Variants in ALDH1A2 observed in about 807,000 individuals in gnomAD.
The protein encoded by ALDH1A2 is aldehyde dehydrogenase 1 family member A2, also known as retinal dehydrogenase 2.
Under a neutral mutation model 60.3 loss-of-function variants are expected in ALDH1A2, and 27 were observed. That is an observed-to-expected ratio of 0.45 (90% CI 0.33 to 0.62). The LOEUF is 0.62. Among genes scored for constraint, ALDH1A2 ranks in the 20% least tolerant of loss-of-function variants. The pLI, the probability that ALDH1A2 is intolerant of heterozygous loss-of-function variation, is 0.02. For missense variants in ALDH1A2, 581 were observed against 643.8 expected, an observed-to-expected ratio of 0.90 and a Z score of 1.06; for synonymous variants, 289 against 232.4, an observed-to-expected ratio of 1.24 and a Z score of -2.21.
intron 7 of ALDH1A2, among the ~76,000 whole-genome samples, chr15:57,966,968 T>C (rs1258134545): frequency 6.6e-6 from 1 of 152,220 alleles, no homozygotes; most frequent in Admixed American, 6.5e-5. Flanking sequence ...TAGAGGCAAT[T>C]TGGTCTTGTT....
At chr15:58,005,114 T>C (rs1323394917) in intron 4 of ALDH1A2, among the ~76,000 whole-genome samples, 1 of 151,850 alleles carries the variant, frequency 6.6e-6, no homozygotes, top group Non-Finnish European at 1.5e-5. Context: ...GCTTATACTT[T>C]TAGATCCACT....
At chr15:57,957,880 G>C (rs1458174619) in intron 12 of ALDH1A2, among the ~76,000 whole-genome samples, 1 of 149,212 alleles carries the variant, frequency 6.7e-6, no homozygotes, top group Non-Finnish European at 1.5e-5. Context: ...CAGACCATCA[G>C]CATCAGAGGA....
intron 1 of ALDH1A2, among the ~76,000 whole-genome samples, chr15:58,039,449 G>C (rs1188603189): frequency 6.6e-6 from 1 of 151,772 alleles, no homozygotes; most frequent in Non-Finnish European, 1.5e-5. Flanking sequence ...AACACCCAGA[G>C]AGTTCATTGT....
chr15:58,057,260 C>T (rs1226664241), intron 1 of ALDH1A2, among the ~76,000 whole-genome samples: 1 of 151,880 alleles, frequency 6.6e-6, no homozygotes, highest in Non-Finnish European at 1.5e-5. Flanking sequence ...GTACATCCAA[C>T]AACATGGATG....
intron 1 of ALDH1A2, among the ~76,000 whole-genome samples, chr15:58,026,662 C>A (rs529004896): frequency 5.3e-5 from 8 of 152,148 alleles, no homozygotes; most frequent in Non-Finnish European, 8.8e-5. Flanking sequence ...TACACTCTTG[C>A]CCAAATACTG....
chr15:57,958,214 G>GCGCACACACACACACA (rs67551670), intron 12 of ALDH1A2, among the ~76,000 whole-genome samples: 51,531 of 151,686 alleles, frequency 0.34, 9,812 homozygotes, highest in Non-Finnish European at 0.45. Context: ...GTACACGCAC[G>GCGCACACACACACACA]CACACACACA....
chr15:57,963,200 CCTT>C (rs1893784844), intron 9 of ALDH1A2, among the ~76,000 whole-genome samples: 1 of 152,166 alleles, frequency 6.6e-6, no homozygotes, highest in East Asian at 1.9e-4. Flanking sequence ...TATCTACCCT[CCTT>C]GACTGTGGCA....
chr15:58,054,860 C>T (rs1438105427), intron 1 of ALDH1A2, among the ~76,000 whole-genome samples: 1 of 152,118 alleles, frequency 6.6e-6, no homozygotes, highest in Admixed American at 6.6e-5. Context: ...CCTAAAAAAT[C>T]ACATATTCCC....
At chr15:58,013,218 A>T (rs1348583393) in intron 3 of ALDH1A2, among the ~76,000 whole-genome samples, 1 of 152,106 alleles carries the variant, frequency 6.6e-6, no homozygotes, top group African/African-American at 2.4e-5. Context: ...TACTCAAGAG[A>T]GGTTAACTCT....
At chr15:57,970,615 AAC>A (rs1299148492) in intron 7 of ALDH1A2, among the ~76,000 whole-genome samples, 7 of 152,202 alleles carry the variant, frequency 4.6e-5, no homozygotes, top group African/African-American at 1.7e-4. Context: ...TTGCTCCCTG[AAC>A]ACAGTTTCTA....
intron 4 of ALDH1A2, among the ~76,000 whole-genome samples, chr15:57,998,822 A>C (rs887416317): frequency 1.3e-5 from 2 of 152,176 alleles, no homozygotes; most frequent in African/African-American, 2.4e-5. Flanking sequence ...TACAGTAACC[A>C]AAACAACATG....
intron 1 of ALDH1A2, among the ~76,000 whole-genome samples, chr15:58,052,858 A>T (rs1358620015): frequency 6.6e-6 from 1 of 152,162 alleles, no homozygotes; most frequent in Non-Finnish European, 1.5e-5. Flanking sequence ...GAAGCAGAAG[A>T]GTTTTCCAAA....
intron 4 of ALDH1A2, among the ~76,000 whole-genome samples, chr15:57,998,553 G>A (rs556445996): frequency 6.6e-6 from 1 of 152,090 alleles, no homozygotes; most frequent in East Asian, 1.9e-4. Flanking sequence ...AAATCAGAGA[G>A]GATACAAACA....
At chr15:57,962,215 TCTATGAAAATGGAAATAA>T in intron 9 of ALDH1A2, 39 bp from the exon 10 acceptor site, 5 of 1,605,044 alleles carry the variant, frequency 3.1e-6, no homozygotes, top group Non-Finnish European at 4.3e-6. Flanking sequence ...AATATAACCT[TCTATGAAAATGGAAATAA>T]GTATGTTCTT....
At position 57,962,183 on chromosome 15, in the gene ALDH1A2, G is replaced by T; in HGVS notation, c.1087-7C>A. 1 of 1,613,908 alleles carries T rather than the reference G, an allele frequency of 6.2e-7. No homozygotes were observed. The highest frequency in any genetic ancestry group is 1.1e-5 in the South Asian group (1 of 91,072). On this transcript the variant is annotated splice_polypyrimidine_tract_variant and splice_region_variant and intron_variant, in intron 9 of 12. Transcript: ENST00000249750. ...TGTACTGTTTCTTATCAATCTGTGG[G>T]AGACAAGACTTAATGACTCCAAATA...
chr15:57,968,468 TC>T (rs1325257568), intron 7 of ALDH1A2, among the ~76,000 whole-genome samples: 3 of 152,202 alleles, frequency 2.0e-5, no homozygotes, highest in Non-Finnish European at 4.4e-5. Flanking sequence ...CCTTCCTTCC[TC>T]CCAGCATTCT....
At chr15:57,986,349 C>G (rs1429321640) in intron 7 of ALDH1A2, among the ~76,000 whole-genome samples, 2 of 151,896 alleles carry the variant, frequency 1.3e-5, no homozygotes, top group African/African-American at 4.8e-5. Context: ...TGGGGACATT[C>G]AACAGAAACC....
At chr15:58,052,869 G>C (rs1024374816) in intron 1 of ALDH1A2, among the ~76,000 whole-genome samples, 1 of 152,128 alleles carries the variant, frequency 6.6e-6, no homozygotes, top group Admixed American at 6.6e-5. Context: ...GTTTTCCAAA[G>C]TGGATGTGTG....
At chr15:58,024,863 C>T (rs560403563) in intron 1 of ALDH1A2, among the ~76,000 whole-genome samples, 1 of 152,198 alleles carries the variant, frequency 6.6e-6, no homozygotes, top group African/African-American at 2.4e-5. Flanking sequence ...AGGAATAAAA[C>T]TAGAAATCAA....
Sources: allele counts gnomAD v4.1 joint callset (sites outside exome capture counted in the v4.1 genomes callset), GRCh38; gene constraint gnomAD v4.1.1; transcripts MANE v1.5; gene names NCBI Gene and HGNC (gene_info 2026-07-23, HGNC 2026-07-21).